ZNF594: variants seen among roughly 807,000 people sequenced by gnomAD.
ZNF594 encodes zinc finger protein HZF18.
For missense variants in ZNF594, 1,037 were observed against 964.6 expected (o/e 1.08, Z -0.99); for synonymous variants, 336 against 309.4 (o/e 1.09, Z -0.90).
At position 5,179,545 on chromosome 17, in the gene ZNF594, A is replaced by ATT. The variant is rs2074324722; in HGVS notation, c.*2287_*2288insAA. 1 of 152,684 alleles carries ATT rather than the reference A, an allele frequency of 6.5e-6. No individual in the cohort carries two copies. The highest frequency in any genetic ancestry group is 6.6e-5 in the Admixed American group (1 of 15,266). The allele number at this position is 152,684 out of a possible 1,614,324, so 9.5% of individuals were successfully genotyped here. ...TAAACAGTCACTAAGTAATTCTTAA[A>ATT]TAACTTTTATTTCAACATTCAGTTA... On this transcript the variant is annotated 3_prime_UTR_variant, in exon 2 of 2. Transcript: ENST00000575779.
At chr17:5,187,223 T>C (rs2144258034) in intron 1 of ZNF594, among the ~76,000 whole-genome samples, 1 of 152,308 alleles carries the variant, frequency 6.6e-6, no homozygotes, top group Middle Eastern at 3.4e-3. Flanking sequence ...AAAAGGCACT[T>C]CTTACATTGT....
downstream of ZNF594, among the ~76,000 whole-genome samples, chr17:5,177,532 A>G (rs1170322621): frequency 6.6e-6 from 1 of 152,146 alleles, no homozygotes; most frequent in Non-Finnish European, 1.5e-5. Context: ...CAACATGCTG[A>G]AAACCCGTCT....
intron 1 of ZNF594, 184 bp from the exon 2 acceptor site, chr17:5,184,460 G>A: frequency 1.5e-6 from 1 of 646,972 alleles, no homozygotes; most frequent in Non-Finnish European, 2.5e-6. Context: ...ATACCCTGTT[G>A]GTGAAAAAAC....
In ZNF594 at chr17:5,181,919, G is replaced by A. The variant is rs772006931; in HGVS notation, c.2338C>T (p.Gln780Ter). The change falls in exon 2 of 2, where the codon CAG (glutamine) becomes TAG (stop). Residue 780 changes from glutamine to a stop codon, truncating the protein, a stop_gained. Transcript: ENST00000575779. LOFTEE classifies it low-confidence loss of function (END_TRUNC). ...FQGSSDLIRH[Q>*]VTHTREKPYE... ...GGTTTCTCTCTTGTATGAGTTACCT[G>A]ATGTCTGATGAGATCTGAGCTGCCC... 5.0e-6 allele frequency: 8 copies of A among 1,613,992 alleles called. No individual in the cohort carries two copies. Among genetic ancestry groups the A allele is most frequent in the Non-Finnish European group, 6.8e-6 (8 of 1,180,016 alleles).
At position 5,181,487 on chromosome 17, in the gene ZNF594, A is replaced by G. The variant is rs745578872; in HGVS notation, c.*346T>C. Reference sequence around the variant, plus strand: ...TCTCACGTTCTTCAAGTTTCTCTCCAGCATGCAGTCTCTGATGTTTGAGGA... The same window carrying G: ...TCTCACGTTCTTCAAGTTTCTCTCCGGCATGCAGTCTCTGATGTTTGAGGA... On this transcript the variant is annotated 3_prime_UTR_variant, in exon 2 of 2. Coordinates refer to ENST00000575779, the MANE Select transcript of ZNF594 (RefSeq NM_032530.2). 3.2e-5 allele frequency: 52 copies of G among 1,613,844 alleles called. No homozygotes were observed. In the South Asian group the frequency reaches 5.5e-4, roughly 17 times the overall value.
At position 5,183,790 on chromosome 17, in the gene ZNF594, ACATATGG is replaced by A; in HGVS notation, c.460_466del (p.Pro154CysfsTer44). The A allele has an allele frequency of 6.2e-7, 1 of 1,614,120 alleles. No individual in the cohort carries two copies. The highest frequency in any genetic ancestry group is 8.5e-7 in the Non-Finnish European group (1 of 1,180,030). On this transcript the variant is annotated frameshift_variant, in exon 2 of 2. Transcript: ENST00000575779. LOFTEE classifies it low-confidence loss of function (END_TRUNC). ...AGAGTCTTTCCCACATTCATTACAC[ACATATGG>A]CTTATTTCCTGTATGAATTCTCTGA...
rs764714714 is a variant in ZNF594, at chr17:5,181,093, G to A, written c.*740C>T. ...TTCTCTCTGGTATGAATTCTTTGAT[G>A]ACTGACAAGGTGTGAGTTCTGACTG... On this transcript the variant is annotated 3_prime_UTR_variant, in exon 2 of 2. Transcript: ENST00000575779. The A allele has an allele frequency of 1.4e-6, 2 of 1,454,310 alleles. No individual in the cohort carries two copies. Among genetic ancestry groups the A allele is most frequent in the South Asian group, 1.1e-5 (1 of 87,678 alleles). 90.1% of individuals were successfully genotyped at this position (1,454,310 alleles called of 1,614,324 possible).
Position 5,183,846 on chromosome 17 carries a change from G to A in ZNF594, c.411C>T (p.Asn137=). 6.2e-7 allele frequency: 1 copy of A among 1,613,786 alleles called. No individual in the cohort carries two copies. Among genetic ancestry groups the A allele is most frequent in the Non-Finnish European group, 8.5e-7 (1 of 1,179,944 alleles). The stretch of plus-strand genomic sequence containing the variant: ...GATGTATGATCAGGTTTGAACTCCT[G>A]TTGAAGGTTTTTTCACATTCCTTAC... ...YECKECEKTF[N]RSSNLIIHQR... is the part of the protein sequence containing the mutation. The change falls in exon 2 of 2, where the codon AAC becomes AAT. Residue 137 remains asparagine (N), a synonymous_variant. Coordinates refer to ENST00000575779, the MANE Select transcript of ZNF594 (RefSeq NM_032530.2).
chr17:5,179,084 G>A (rs1007121764), downstream of ZNF594, among the ~76,000 whole-genome samples: 2 of 151,490 alleles, frequency 1.3e-5, no homozygotes, highest in African/African-American at 2.4e-5. Context: ...CCACAGGGAG[G>A]TGACAGCGCC....
downstream of ZNF594, among the ~76,000 whole-genome samples, chr17:5,179,250 G>A (rs73333404): frequency 0.065 from 9,425 of 143,912 alleles, 1,053 homozygotes; most frequent in African/African-American, 0.23. Context: ...CCTGGGATGC[G>A]CTCACATCCA....
downstream of ZNF594, among the ~76,000 whole-genome samples, chr17:5,179,189 C>T (rs1567822965): frequency 1.3e-5 from 2 of 148,862 alleles, no homozygotes; most frequent in Non-Finnish European, 3.0e-5. Context: ...GGCCCCTGCA[C>T]ACACTTCCCT....
At chr17:5,176,269 C>T (rs558596474), downstream of ZNF594, among the ~76,000 whole-genome samples, 10 of 151,958 alleles carry the variant, frequency 6.6e-5, no homozygotes, top group South Asian at 1.9e-3. Flanking sequence ...GTGGTGCATG[C>T]CTGTAATCCC....
At position 5,181,009 on chromosome 17, in the gene ZNF594, G is replaced by T; in HGVS notation, c.*824C>A. The T allele has an allele frequency of 1.2e-6, 1 of 804,074 alleles. No individual in the cohort carries two copies. The highest frequency in any genetic ancestry group is 2.1e-6 in the Non-Finnish European group (1 of 472,588). 49.8% of individuals were successfully genotyped at this position (804,074 alleles called of 1,614,324 possible). On this transcript the variant is annotated 3_prime_UTR_variant, in exon 2 of 2. Coordinates refer to ENST00000575779, the MANE Select transcript of ZNF594 (RefSeq NM_032530.2). ...TCCTTTCCAATGTGAAGTTTCTGGT[G>T]CTTAAGAAAAGCTGTCCACCCACTG...
chr17:5,178,179 A>T (rs1383512974), downstream of ZNF594, among the ~76,000 whole-genome samples: 1 of 16,846 alleles, frequency 5.9e-5, no homozygotes, highest in African/African-American at 2.0e-4. Flanking sequence ...CAAATATTCT[A>T]AAAAAAACCA....
rs757506194 is a variant in ZNF594 at position 5,183,362 on chromosome 17, C to T, written c.895G>A (p.Glu299Lys). ...TGCTGCCTGAAGGCTTTTTCACATT[C>T]ATTACATTTGAGGGGTTTCTCTCCA... The part of the protein sequence containing the change: ...HTGEKPLKCN[E>K]CEKAFRQHSH... The change falls in exon 2 of 2, where the codon GAA becomes AAA. Residue 299 changes from glutamate (E) to lysine (K), a missense_variant. By Grantham distance (56) the Glu-to-Lys change is moderately conservative (BLOSUM62 1). Transcript: ENST00000575779. The T allele has an allele frequency of 3.1e-6, 5 of 1,613,588 alleles. No homozygotes were observed. Among genetic ancestry groups the T allele is most frequent in the African/African-American group, 1.3e-5 (1 of 74,908 alleles).
At chr17:5,186,236 T>G (rs1567828023) in intron 1 of ZNF594, among the ~76,000 whole-genome samples, 1 of 152,232 alleles carries the variant, frequency 6.6e-6, no homozygotes, top group Non-Finnish European at 1.5e-5. Flanking sequence ...GAAATCCAGG[T>G]GGAAGTTCCC....
chr17:5,186,330 C>A (rs982605265), intron 1 of ZNF594, among the ~76,000 whole-genome samples: 4 of 152,244 alleles, frequency 2.6e-5, no homozygotes, highest in Non-Finnish European at 4.4e-5. Context: ...TCTGAAGCCA[C>A]AGCTTGAGCT....
downstream of ZNF594, among the ~76,000 whole-genome samples, chr17:5,178,453 A>T (rs934614939): frequency 2.0e-5 from 3 of 152,212 alleles, no homozygotes; most frequent in Non-Finnish European, 1.5e-5. Flanking sequence ...AAATGAAATT[A>T]TAATAAACTA....
chr17:5,185,718 T>C (rs2074381877), intron 1 of ZNF594, among the ~76,000 whole-genome samples: 1 of 152,086 alleles, frequency 6.6e-6, no homozygotes, highest in African/African-American at 2.4e-5. Context: ...ACTTCCTAGA[T>C]ATAATGGGGG....
Sources: allele counts gnomAD v4.1 joint callset (sites outside exome capture counted in the v4.1 genomes callset), GRCh38; gene constraint gnomAD v4.1.1; transcripts MANE v1.5; gene names NCBI Gene and HGNC (gene_info 2026-07-23, HGNC 2026-07-21).